Variants in TXNDC5 observed in about 807,000 individuals in gnomAD.
TXNDC5 encodes the protein thioredoxin domain containing 5.
In TXNDC5, 44 loss-of-function variants were observed where a neutral mutation model predicts 52.6. The ratio of observed to expected loss-of-function variants is 0.84; its 90% confidence interval spans 0.66 to 1.08. The LOEUF (loss-of-function observed/expected upper bound fraction) is 1.08. TXNDC5 is among the 50% of genes least tolerant of loss of function. The probability of loss-of-function intolerance (pLI) is 0.00; values close to 1 mark genes in which losing one functional copy is unlikely to be tolerated. For synonymous variants in TXNDC5, 241 were observed against 234.4 expected, an observed-to-expected ratio of 1.03 and a Z score of -0.26; for missense variants, 600 against 565.5, an observed-to-expected ratio of 1.06 and a Z score of -0.62.
chr6:7,910,522 G>T lies in TXNDC5; in HGVS notation c.255C>A (p.Phe85Leu). Residue 85 changes from phenylalanine (F) to leucine (L), a missense_variant, in exon 1 of 10, where the codon TTC becomes TTA. Physicochemically the swap from Phe to Leu is conservative, Grantham distance 22. Transcript: ENST00000379757. ...GGCCTGCGCGGCGTTACCAGGGCGC[G>T]AAGAACATGACGAAGTGCGCGGCGC... ...IQSAAHFVMFFAPWCGHCQRL... is the reference protein window; with the variant it reads ...IQSAAHFVMFLAPWCGHCQRL... The T allele has an allele frequency of 6.9e-7, 1 of 1,444,756 alleles. No individual in the cohort carries two copies. Among genetic ancestry groups the T allele is most frequent in the Non-Finnish European group, 9.2e-7 (1 of 1,087,910 alleles). The allele number at this position is 1,444,756 out of a possible 1,614,324, so 89.5% of individuals were successfully genotyped here. A position where few individuals can be genotyped will look rare whatever the true frequency, so the allele number is the denominator to read the frequency against.
chr6:7,886,205 A>T (rs1458123352), intron 7 of TXNDC5, among the ~76,000 whole-genome samples, 162 bp from the exon 8 acceptor site: 1 of 152,214 alleles, frequency 6.6e-6, no homozygotes, highest in African/African-American at 2.4e-5. Flanking sequence ...TTCATAGGCT[A>T]CACACAAAGG....
At chr6:7,890,722 A>T (rs921262985) in intron 5 of TXNDC5, among the ~76,000 whole-genome samples, 2 of 152,196 alleles carry the variant, frequency 1.3e-5, no homozygotes, top group Non-Finnish European at 2.9e-5. Context: ...ACTGACAACA[A>T]AAGTGATTAC....
At chr6:7,883,980 C>T (rs1294332449) in intron 9 of TXNDC5, among the ~76,000 whole-genome samples, 1 of 151,720 alleles carries the variant, frequency 6.6e-6, no homozygotes, top group Non-Finnish European at 1.5e-5. Context: ...TTTTATAATG[C>T]TGGCTTATGT....
Position 7,882,974 on chromosome 6 carries a change from T to C in TXNDC5, c.*170A>G, listed in dbSNP as rs1759820064. ...TAGAGAAACTTAACTTAATAAAGAATCTGTAGAGTGTGTTGGCTTGGAAAA... is the reference window on the plus strand; with the variant it reads ...TAGAGAAACTTAACTTAATAAAGAACCTGTAGAGTGTGTTGGCTTGGAAAA... On this transcript the variant is annotated 3_prime_UTR_variant, in exon 10 of 10. Transcript: ENST00000379757. The C allele has an allele frequency of 1.3e-6, 1 of 796,848 alleles. No individual in the cohort carries two copies. The highest frequency in any genetic ancestry group is 1.9e-6 in the Non-Finnish European group (1 of 522,306). 49.4% of individuals were successfully genotyped at this position (796,848 alleles called of 1,614,324 possible). A position where few individuals can be genotyped will look rare whatever the true frequency, so the allele number is the denominator to read the frequency against.
At chr6:7,907,867 C>A (rs564401765) in intron 1 of TXNDC5, among the ~76,000 whole-genome samples, 2 of 152,312 alleles carry the variant, frequency 1.3e-5, no homozygotes, top group Admixed American at 6.5e-5. Flanking sequence ...TTCCTGGCAG[C>A]CTATTCGTGA....
chr6:7,895,173 A>AC lies in TXNDC5; in HGVS notation c.548dup (p.Ser183ArgfsTer11). ...ACAGCCCTTGCTTGAGCTCGGGGGC[A>AC]CTGGGCGGTTCCACTTCCGGCTCTG... On this transcript the variant is annotated frameshift_variant, in exon 4 of 10. Coordinates refer to ENST00000379757, the MANE Select transcript of TXNDC5 (RefSeq NM_030810.5). LOFTEE classifies it high-confidence loss of function. 1 of 1,613,554 alleles carries AC rather than the reference A, an allele frequency of 6.2e-7. No homozygotes were observed. Among genetic ancestry groups the AC allele is most frequent in the South Asian group, 1.1e-5 (1 of 90,826 alleles).
intron 1 of TXNDC5, among the ~76,000 whole-genome samples, chr6:7,907,165 C>T (rs1159489400): frequency 1.4e-5 from 2 of 143,908 alleles, no homozygotes. Context: ...TTTTTTTTCC[C>T]TTTTTTTTTT....
At position 7,906,684 on chromosome 6, in the gene TXNDC5, G is replaced by A. The variant is rs1016715231; in HGVS notation, c.264-1961C>T. 1.3e-4 allele frequency among the ~76,000 whole-genome samples: 19 copies of A among 146,706 alleles called. 1 individual carries two copies. Among genetic ancestry groups the A allele is most frequent in the African/African-American group, 4.8e-4 (18 of 37,376 alleles). ...GAGATACTCAGATACAAAAAAAAAA[G>A]CACAATGAAACTATACATGCAGATT... On this transcript the variant is annotated intron_variant, in intron 1 of 9. Coordinates refer to ENST00000379757, the MANE Select transcript of TXNDC5 (RefSeq NM_030810.5).
chr6:7,898,773 CAT>C (rs1760458979), intron 3 of TXNDC5, among the ~76,000 whole-genome samples: 1 of 151,668 alleles, frequency 6.6e-6, no homozygotes, highest in African/African-American at 2.4e-5. Flanking sequence ...GGTTTATGAT[CAT>C]GATGATTTAT....
chr6:7,898,753 C>G (rs1177940399), intron 3 of TXNDC5, among the ~76,000 whole-genome samples: 1 of 145,656 alleles, frequency 6.9e-6, no homozygotes, highest in Non-Finnish European at 1.5e-5. Context: ...CAAAGGAACA[C>G]TTAACCAGTG....
At chr6:7,893,172 G>A (rs1240187689) in intron 4 of TXNDC5, among the ~76,000 whole-genome samples, 1 of 152,296 alleles carries the variant, frequency 6.6e-6, no homozygotes, top group East Asian at 1.9e-4. Flanking sequence ...CCTGACATTG[G>A]GCTGATACCA....
At position 7,909,999 on chromosome 6, in the gene TXNDC5, T is replaced by C. The variant is rs115762983; in HGVS notation, c.263+515A>G. 7.6e-3 allele frequency: 7,518 copies of C among 986,096 alleles called. 411 individuals carry two copies. In the African/African-American group the frequency reaches 0.12, roughly 16 times the overall value. 61.1% of individuals were successfully genotyped at this position (986,096 alleles called of 1,614,324 possible). A position where few individuals can be genotyped will look rare whatever the true frequency, so the allele number is the denominator to read the frequency against. On this transcript the variant is annotated intron_variant, in intron 1 of 9. Transcript: ENST00000379757. ...CTGGGCAGGGACCGCGGGGTGACATTTGGACTCCCGGCTGCCCGAAAGGGC... is the reference window on the plus strand; with the variant it reads ...CTGGGCAGGGACCGCGGGGTGACATCTGGACTCCCGGCTGCCCGAAAGGGC...
chr6:7,895,125 A>T lies in TXNDC5; in HGVS notation c.597T>A (p.Phe199Leu). ...QGLYELSASN[F>L]ELHVAQGDHF... ...CCTTACCTTGTGCAACGTGCAGCTC[A>T]AAGTTGCTTGCTGAGAGCTCATACA... is the stretch of plus-strand genomic sequence containing the variant. Residue 199 changes from phenylalanine to leucine, a missense_variant, in exon 4 of 10, where the codon TTT (phenylalanine) becomes TTA (leucine). Transcript: ENST00000379757. The T allele has an allele frequency of 6.2e-7, 1 of 1,613,862 alleles. No homozygotes were observed.
At position 7,910,676 on chromosome 6, in the gene TXNDC5, C is replaced by G. The variant is rs910286540; in HGVS notation, c.101G>C (p.Trp34Ser). ...CGCCGCCTCCTGGGCCCGGGCGCCC[C>G]AGCGCCCGCCGCCGCCATGGCCCAG... ...LLLGHGGGGR[W>S]GARAQEAAAA... The change falls in exon 1 of 10, where the codon TGG becomes TCG. Residue 34 changes from tryptophan (W) to serine (S), a missense_variant. Coordinates refer to ENST00000379757, the MANE Select transcript of TXNDC5 (RefSeq NM_030810.5). The G allele has an allele frequency of 1.8e-5, 20 of 1,132,764 alleles. No homozygotes were observed. Among genetic ancestry groups the G allele is most frequent in the Non-Finnish European group, 2.1e-5 (19 of 924,244 alleles). The allele number at this position is 1,132,764 out of a possible 1,614,324, so 70.2% of individuals were successfully genotyped here.
chr6:7,898,927 C>T (rs151036401), intron 3 of TXNDC5, among the ~76,000 whole-genome samples: 1 of 152,132 alleles, frequency 6.6e-6, no homozygotes, highest in Non-Finnish European at 1.5e-5. Flanking sequence ...ATTAATGGTA[C>T]AAAATGATGT....
chr6:7,902,537 C>T (rs1255084391), intron 2 of TXNDC5, among the ~76,000 whole-genome samples: 1 of 152,174 alleles, frequency 6.6e-6, no homozygotes, highest in Non-Finnish European at 1.5e-5. Context: ...TCGGGCCTCA[C>T]AACCACTCTA....
intron 4 of TXNDC5, 37 bp from the exon 5 acceptor site, chr6:7,891,773 G>A: frequency 1.4e-6 from 2 of 1,470,616 alleles, no homozygotes; most frequent in Non-Finnish European, 1.9e-6. Flanking sequence ...GGGGGAAAGA[G>A]GAACTGTAAT....
At chr6:7,904,986 G>A (rs1760687323) in intron 1 of TXNDC5, among the ~76,000 whole-genome samples, 1 of 152,064 alleles carries the variant, frequency 6.6e-6, no homozygotes, top group Admixed American at 6.6e-5. Context: ...AGTTGTTCTG[G>A]CCCTGCTGAC....
intron 4 of TXNDC5, among the ~76,000 whole-genome samples, chr6:7,893,336 G>A (rs574575057): frequency 2.0e-5 from 3 of 152,240 alleles, no homozygotes; most frequent in Non-Finnish European, 1.5e-5. Flanking sequence ...TCCTTTAAAA[G>A]TTAACAACTT....
Sources: gnomAD v4.1 joint callset for allele counts (sites outside exome capture counted in the v4.1 genomes callset) on GRCh38, gnomAD v4.1.1 for gene constraint, MANE v1.5 for transcripts, NCBI Gene and HGNC (gene_info 2026-07-23, HGNC 2026-07-21) for gene names.